TTC21B: variants seen among roughly 807,000 people sequenced by gnomAD.
The protein encoded by TTC21B is tetratricopeptide repeat domain 21B.
In TTC21B, 127 loss-of-function variants were observed where a neutral mutation model predicts 175.1. That is an observed-to-expected ratio of 0.73 (90% CI 0.63 to 0.84). The LOEUF is 0.84. Among genes scored for constraint, TTC21B ranks in the 40% least tolerant of loss-of-function variants. The pLI, the probability that TTC21B is intolerant of heterozygous loss-of-function variation, is 0.00. For synonymous variants in TTC21B, 524 were observed against 524.5 expected (o/e 1.00, Z 0.01); for missense variants, 1,561 against 1,558.3 (o/e 1.00, Z -0.03).
At position 165,911,379 on chromosome 2, in the gene TTC21B, T is replaced by C. The variant is rs1165593147; in HGVS notation, c.2409A>G (p.Lys803=). 16 of 1,613,906 alleles carry C rather than the reference T, an allele frequency of 9.9e-6. No homozygotes were observed. Among genetic ancestry groups the C allele is most frequent in the Non-Finnish European group, 1.1e-5 (13 of 1,179,904 alleles). ...GAACTTTTTCTGCTTTGTCATACCA[T>C]TTCAATTTTAATAAGAGCTCAGCCA... The part of the protein sequence containing the change: ...YDLAELLLKL[K]WYDKAEKVLQ... The change falls in exon 18 of 29, where the codon AAA becomes AAG. Residue 803 remains lysine, a synonymous_variant. Coordinates refer to ENST00000243344, the MANE Select transcript of TTC21B (RefSeq NM_024753.5).
chr2:165,947,170 A>ATATATATATATATATATG (rs1687602717), intron 3 of TTC21B: 2 of 4,518 alleles, frequency 4.4e-4, no homozygotes, highest in African/African-American at 8.3e-4. Context: ...CCCCTCCCCC[A>ATATATATATATATATATG]TATATATATA....
At chr2:165,897,330 G>A (rs966023252) in intron 22 of TTC21B, among the ~76,000 whole-genome samples, 1 of 152,168 alleles carries the variant, frequency 6.6e-6, no homozygotes, top group Non-Finnish European at 1.5e-5. Context: ...CACTAACAGA[G>A]GTGGTAAAAA....
At chr2:165,881,544 C>T (rs982875784) in intron 26 of TTC21B, among the ~76,000 whole-genome samples, 5 of 152,092 alleles carry the variant, frequency 3.3e-5, no homozygotes, top group South Asian at 2.1e-4. Context: ...ATATTTATCC[C>T]CGAGTTTCTC....
At position 165,930,365 on chromosome 2, in the gene TTC21B, C is replaced by T. The variant is rs773008707; in HGVS notation, c.895-1G>A. Reference sequence around the variant, plus strand: ...GAAGAATAAGTTGACTACGTCCACACTAAAAAGAAAAAAAAATGATGTAAG... The same window carrying T: ...GAAGAATAAGTTGACTACGTCCACATTAAAAAGAAAAAAAAATGATGTAAG... On this transcript the variant is annotated splice_acceptor_variant, in intron 8 of 28. Coordinates refer to ENST00000243344, the MANE Select transcript of TTC21B (RefSeq NM_024753.5). LOFTEE classifies it high-confidence loss of function. 6.3e-7 allele frequency: 1 copy of T among 1,593,764 alleles called. No homozygotes were observed. The highest frequency in any genetic ancestry group is 8.5e-7 in the Non-Finnish European group (1 of 1,170,450).
At chr2:165,909,700 T>C (rs912888308) in intron 18 of TTC21B, among the ~76,000 whole-genome samples, 3 of 152,198 alleles carry the variant, frequency 2.0e-5, no homozygotes, top group African/African-American at 7.2e-5. Flanking sequence ...GAGGTATATG[T>C]ATATAAACAA....
Position 165,941,274 on chromosome 2 carries a change from ATACT to A in TTC21B, c.553-94_553-91del, listed in dbSNP as rs1341277300. 5.6e-6 allele frequency: 8 copies of A among 1,432,170 alleles called. No homozygotes were observed. In the South Asian group the frequency reaches 5.9e-5, roughly 10 times the overall value. The allele number at this position is 1,432,170 out of a possible 1,614,324, so 88.7% of individuals were successfully genotyped here. A position where few individuals can be genotyped will look rare whatever the true frequency, so the allele number is the denominator to read the frequency against. ...AGAGCAGGCAGAGTATGAGCGTTTA[ATACT>A]TACTTTTCTGTGAGGAGCAGTTATC... On this transcript the variant is annotated intron_variant, in intron 5 of 28. Coordinates refer to ENST00000243344, the MANE Select transcript of TTC21B (RefSeq NM_024753.5).
chr2:165,937,736 C>T (rs567813869), intron 6 of TTC21B, among the ~76,000 whole-genome samples: 1,784 of 107,410 alleles, frequency 0.017, 49 homozygotes, highest in African/African-American at 0.059. Context: ...TTAAAACACC[C>T]TCAAATATAT....
chr2:165,932,052 T>C (rs891807021), intron 7 of TTC21B, among the ~76,000 whole-genome samples, 196 bp from the exon 8 acceptor site: 10 of 152,144 alleles, frequency 6.6e-5, no homozygotes, highest in African/African-American at 2.2e-4. Flanking sequence ...TAATTATAAA[T>C]GTGTTTTAGA....
At chr2:165,896,983 G>A (rs1418409314) in intron 22 of TTC21B, among the ~76,000 whole-genome samples, 2 of 152,080 alleles carry the variant, frequency 1.3e-5, no homozygotes, top group Non-Finnish European at 2.9e-5. Context: ...CTGGGCCCTG[G>A]AACATCAATG....
intron 22 of TTC21B, among the ~76,000 whole-genome samples, chr2:165,891,287 C>A (rs1259430170): frequency 6.6e-6 from 1 of 152,070 alleles, no homozygotes; most frequent in Non-Finnish European, 1.5e-5. Flanking sequence ...ACAGCCCCTA[C>A]CTAGGTAATC....
intron 19 of TTC21B, among the ~76,000 whole-genome samples, chr2:165,904,829 G>A (rs1018383692): frequency 6.6e-6 from 1 of 152,104 alleles, no homozygotes; most frequent in African/African-American, 2.4e-5. Flanking sequence ...TATTAAGAAG[G>A]TAAGTGATGA....
At position 165,953,737 on chromosome 2, in the gene TTC21B, G is replaced by A; in HGVS notation, c.-32C>T. On this transcript the variant is annotated 5_prime_UTR_variant, in exon 1 of 29. Transcript: ENST00000243344. The stretch of plus-strand genomic sequence containing the variant: ...CCCGAGGCCGGGCCGCGGGGCTCTG[G>A]GGATTGTCTCGCCGCAGCCTAAAGG... The A allele has an allele frequency of 2.6e-6, 4 of 1,541,604 alleles. No individual in the cohort carries two copies. Among genetic ancestry groups the A allele is most frequent in the African/African-American group, 1.4e-5 (1 of 72,378 alleles).
At chr2:165,898,922 T>C (rs943107994) in intron 21 of TTC21B, among the ~76,000 whole-genome samples, 155 bp from the exon 22 acceptor site, 3 of 152,226 alleles carry the variant, frequency 2.0e-5, no homozygotes, top group Non-Finnish European at 4.4e-5. Context: ...AAGCCCACCT[T>C]GTGCAGAATA....
At chr2:165,913,479 A>T in intron 16 of TTC21B, 95 bp downstream of exon 16, 4 of 816,880 alleles carry the variant, frequency 4.9e-6, no homozygotes, top group Non-Finnish European at 8.2e-6. Flanking sequence ...TTCAAATATT[A>T]AACATTATTT....
At position 165,915,198 on chromosome 2, in the gene TTC21B, T is replaced by C. The variant is rs755230841; in HGVS notation, c.2138+3A>G. The C allele has an allele frequency of 1.2e-6, 2 of 1,606,322 alleles. No individual in the cohort carries two copies. Among genetic ancestry groups the C allele is most frequent in the Non-Finnish European group, 1.7e-6 (2 of 1,173,024 alleles). On this transcript the variant is annotated splice_donor_region_variant and intron_variant, in intron 15 of 28. Coordinates refer to ENST00000243344, the MANE Select transcript of TTC21B (RefSeq NM_024753.5). Reference sequence around the variant, plus strand: ...AATATAATGGGTTAAGACAATTACTTACCTAAAACAAGTGATATATAACAT... The same window carrying C: ...AATATAATGGGTTAAGACAATTACTCACCTAAAACAAGTGATATATAACAT...
rs1434741539 is a variant in TTC21B, at chr2:165,930,162, G to A, written c.1087+10C>T. 3 of 1,610,602 alleles carry A rather than the reference G, an allele frequency of 1.9e-6. No homozygotes were observed. The highest frequency in any genetic ancestry group is 2.5e-6 in the Non-Finnish European group (3 of 1,177,304). Reference sequence around the variant, plus strand: ...TATATTATAAATATTTATGAAAACAGTTGTCATACCAACTAGGGCAGACAC... The same window carrying A: ...TATATTATAAATATTTATGAAAACAATTGTCATACCAACTAGGGCAGACAC... On this transcript the variant is annotated intron_variant, in intron 9 of 28. Coordinates refer to ENST00000243344, the MANE Select transcript of TTC21B (RefSeq NM_024753.5).
intron 19 of TTC21B, among the ~76,000 whole-genome samples, chr2:165,902,325 G>T (rs895918451): frequency 6.6e-6 from 1 of 152,100 alleles, no homozygotes; most frequent in African/African-American, 2.4e-5. Context: ...TTAATAAATG[G>T]TAAGAACTCA....
At position 165,911,667 on chromosome 2, in the gene TTC21B, TA is replaced by T. The variant is rs199591458; in HGVS notation, c.2323-203del. On this transcript the variant is annotated intron_variant, in intron 17 of 28. Transcript: ENST00000243344. ...ACATGAAACAACTAATATATATATA[TA>T]TTTTTTTTTTTTGAGTCACAGTCTC... Among the ~76,000 whole-genome samples, 757 of 112,612 alleles carry T rather than the reference TA, an allele frequency of 6.7e-3. 8 individuals carry two copies. Among genetic ancestry groups the T allele is most frequent in the African/African-American group, 0.023 (708 of 31,050 alleles). The allele number at this position is 112,612 out of a possible 152,430, so 73.9% of individuals were successfully genotyped here.
chr2:165,874,546 G>A lies in TTC21B; in HGVS notation c.*209C>T, dbSNP rs1684604935. 1 of 535,028 alleles carries A rather than the reference G, an allele frequency of 1.9e-6. No individual in the cohort carries two copies. Among genetic ancestry groups the A allele is most frequent in the Non-Finnish European group, 3.4e-6 (1 of 293,526 alleles). 33.1% of individuals were successfully genotyped at this position (535,028 alleles called of 1,614,324 possible). ...CAAATCTGTACCCAATCAAAACAGA[G>A]TCAAATAGACCAGCTCTCATTCAAC... is the stretch of plus-strand genomic sequence containing the variant. On this transcript the variant is annotated 3_prime_UTR_variant, in exon 29 of 29. Transcript: ENST00000243344.
Sources: allele counts gnomAD v4.1 joint callset (sites outside exome capture counted in the v4.1 genomes callset), GRCh38; gene constraint gnomAD v4.1.1; transcripts MANE v1.5; gene names NCBI Gene and HGNC (gene_info 2026-07-23, HGNC 2026-07-21).